Variants in GLYATL2 observed in about 807,000 individuals in gnomAD.
GLYATL2 encodes glycine-N-acyltransferase like 2.
A neutral mutation model predicts 21.4 loss-of-function variants in GLYATL2; 25 were observed. The ratio of observed to expected loss-of-function variants is 1.17; its 90% confidence interval spans 0.85 to 1.63. The LOEUF is 1.63. GLYATL2 is among the 40% of genes most tolerant of loss of function. The pLI, the probability that GLYATL2 is intolerant of heterozygous loss-of-function variation, is 0.00. For missense variants in GLYATL2, 361 were observed against 343.3 expected, an observed-to-expected ratio of 1.05 and a Z score of -0.41; for synonymous variants, 114 against 118.2, an observed-to-expected ratio of 0.96 and a Z score of 0.23.
At chr11:58,843,185 A>G (rs1487251573) in intron 1 of GLYATL2, among the ~76,000 whole-genome samples, 1 of 152,188 alleles carries the variant, frequency 6.6e-6, no homozygotes, top group Non-Finnish European at 1.5e-5. Flanking sequence ...AAGAGCAGAG[A>G]GTTGGCAAGT....
At chr11:58,864,571 G>A (rs1225639133) in intron 1 of GLYATL2, among the ~76,000 whole-genome samples, 1 of 148,926 alleles carries the variant, frequency 6.7e-6, no homozygotes, top group South Asian at 2.1e-4. Flanking sequence ...TCAACACAAA[G>A]GTTGCCTGTC....
At chr11:58,836,051 G>C (rs1421739855) in intron 5 of GLYATL2, among the ~76,000 whole-genome samples, 1 of 152,098 alleles carries the variant, frequency 6.6e-6, no homozygotes, top group Non-Finnish European at 1.5e-5. Context: ...CTAGAGGAAA[G>C]CAAATCTCTC....
At chr11:58,909,352 A>G in the GLYATL2 span, among the ~76,000 whole-genome samples, 1 of 152,182 alleles carries the variant, frequency 6.6e-6, no homozygotes, top group Non-Finnish European at 1.5e-5. Flanking sequence ...TTGTATACTT[A>G]AATTATTGCT....
At chr11:58,885,478 C>T in intron 1 of GLYATL2, 1 of 510,758 alleles carries the variant, frequency 2.0e-6, no homozygotes, top group South Asian at 1.4e-5. Context: ...ACCCCTTCAA[C>T]ATGGAGGTGC....
intron 1 of GLYATL2, among the ~76,000 whole-genome samples, chr11:58,881,404 G>A (rs2134611970): frequency 6.6e-6 from 1 of 152,254 alleles, no homozygotes; most frequent in East Asian, 1.9e-4. Flanking sequence ...AATTCTGAAT[G>A]TTATTTCAAC....
chr11:58,866,139 C>T (rs1383456758), intron 1 of GLYATL2, among the ~76,000 whole-genome samples: 1 of 148,932 alleles, frequency 6.7e-6, no homozygotes, highest in African/African-American at 2.4e-5. Flanking sequence ...ATTACTTGTC[C>T]TCTCCATGAA....
chr11:58,894,910 TG>T (rs1854609158), intron 1 of GLYATL2, among the ~76,000 whole-genome samples: 1 of 152,062 alleles, frequency 6.6e-6, no homozygotes, highest in Admixed American at 6.6e-5. Context: ...CTCGGGAACT[TG>T]GGGTAATGTG....
At chr11:58,882,736 T>C (rs1854363335) in intron 1 of GLYATL2, among the ~76,000 whole-genome samples, 1 of 152,212 alleles carries the variant, frequency 6.6e-6, no homozygotes, top group Non-Finnish European at 1.5e-5. Flanking sequence ...AAGTATTTGA[T>C]CCATCTTGAA....
chr11:58,868,770 G>A (rs910456822), intron 1 of GLYATL2, among the ~76,000 whole-genome samples: 3 of 149,056 alleles, frequency 2.0e-5, no homozygotes, highest in African/African-American at 7.3e-5. Context: ...CCTTAACCAT[G>A]TTCCTGATTA....
chr11:58,876,170 T>G (rs1489351788), intron 1 of GLYATL2, among the ~76,000 whole-genome samples: 2 of 152,196 alleles, frequency 1.3e-5, no homozygotes, highest in Non-Finnish European at 1.5e-5. Context: ...TCTGCATTGG[T>G]TATTCTAGTT....
chr11:58,874,516 A>G (rs1854189652), intron 1 of GLYATL2, among the ~76,000 whole-genome samples: 2 of 152,196 alleles, frequency 1.3e-5, no homozygotes, highest in South Asian at 4.1e-4. Context: ...TTCAAAGAAC[A>G]TCTTTATTTC....
rs1361432006 is a variant in GLYATL2, at chr11:58,868,664, G to A, written n.61-30296C>T. Among the ~76,000 whole-genome samples the A allele has an allele frequency of 2.7e-5, 4 of 148,878 alleles. 1 individual carries two copies. The highest frequency in any genetic ancestry group is 2.1e-4 in the Admixed American group (3 of 14,474). On this transcript the variant is annotated intron_variant and non_coding_transcript_variant, in intron 1 of 4. Coordinates refer to the GLYATL2 transcript ENST00000533636. Reference sequence around the variant, plus strand: ...CTGACCAGGAACACTTTGGCTTGGCGGCCATGGCCCAGGAGTCTCAAAGCC... The same window carrying A: ...CTGACCAGGAACACTTTGGCTTGGCAGCCATGGCCCAGGAGTCTCAAAGCC...
intron 1 of GLYATL2, among the ~76,000 whole-genome samples, chr11:58,884,594 T>C (rs1175979213): frequency 6.6e-6 from 1 of 152,208 alleles, no homozygotes; most frequent in Non-Finnish European, 1.5e-5. Flanking sequence ...GTTATGATGA[T>C]GGTGGTGGAG....
intron 1 of GLYATL2, among the ~76,000 whole-genome samples, chr11:58,876,897 C>T (rs1854244494): frequency 1.3e-5 from 2 of 152,256 alleles, no homozygotes; most frequent in South Asian, 4.1e-4. Context: ...GTAGAGCCTA[C>T]AGAGGCAGGC....
At chr11:58,846,213 T>A (rs1409973068), upstream of GLYATL2, among the ~76,000 whole-genome samples, 1 of 152,124 alleles carries the variant, frequency 6.6e-6, no homozygotes, top group East Asian at 1.9e-4. Context: ...ATTACTTAAG[T>A]AATTTCTTGA....
intron 5 of GLYATL2, among the ~76,000 whole-genome samples, chr11:58,835,567 G>A (rs933247197): frequency 6.6e-6 from 1 of 152,150 alleles, no homozygotes; most frequent in Non-Finnish European, 1.5e-5. Flanking sequence ...CCCTCTCCAG[G>A]GAGAAAGAGT....
intron 1 of GLYATL2, among the ~76,000 whole-genome samples, chr11:58,866,772 CA>C (rs1854029696): frequency 6.7e-6 from 1 of 149,046 alleles, no homozygotes; most frequent in African/African-American, 2.4e-5. Flanking sequence ...GTCACTGCCT[CA>C]AGGTAACTTT....
intron 1 of GLYATL2, among the ~76,000 whole-genome samples, chr11:58,890,947 G>T (rs1854533017): frequency 1.3e-5 from 2 of 151,210 alleles, no homozygotes; most frequent in African/African-American, 2.4e-5. Context: ...ATTATTTATA[G>T]CTTTCATTTT....
At chr11:58,874,888 G>A (rs1029638557) in intron 1 of GLYATL2, among the ~76,000 whole-genome samples, 5 of 152,138 alleles carry the variant, frequency 3.3e-5, no homozygotes, top group African/African-American at 1.2e-4. Context: ...TGACAGTGGG[G>A]TGTTAAAGTC....
Sources: allele counts gnomAD v4.1 joint callset (sites outside exome capture counted in the v4.1 genomes callset), GRCh38; gene constraint gnomAD v4.1.1; transcripts MANE v1.5; gene names NCBI Gene and HGNC (gene_info 2026-07-23, HGNC 2026-07-21).